Variants in EIPR1 observed in about 807,000 individuals in gnomAD.
EIPR1 encodes EARP complex and GARP complex interacting protein 1.
In EIPR1, 25 loss-of-function variants were observed where a neutral mutation model predicts 48.1. The ratio of observed to expected loss-of-function variants is 0.52; its 90% CI spans 0.38 to 0.73. The LOEUF is 0.73. EIPR1 is among the 30% of genes least tolerant of loss of function. The pLI, the probability that EIPR1 is intolerant of heterozygous loss-of-function variation, is 0.00. For missense variants in EIPR1, 415 were observed against 506.2 expected (o/e 0.82, Z 1.73); for synonymous variants, 204 against 201.9 (o/e 1.01, Z -0.09).
chr2:3,310,568 G>A (rs544129115), intron 3 of EIPR1, among the ~76,000 whole-genome samples: 14 of 147,976 alleles, frequency 9.5e-5, no homozygotes, highest in Admixed American at 2.7e-4. Flanking sequence ...CAGGAGAATG[G>A]CGTGAACCCG....
At chr2:3,325,645 T>G (rs1219297241) in intron 3 of EIPR1, among the ~76,000 whole-genome samples, 2 of 152,234 alleles carry the variant, frequency 1.3e-5, no homozygotes, top group African/African-American at 4.8e-5. Context: ...GACAGCATCC[T>G]TTACACACTG....
At chr2:3,253,580 G>C (rs1488537236) in intron 4 of EIPR1, among the ~76,000 whole-genome samples, 1 of 152,214 alleles carries the variant, frequency 6.6e-6, no homozygotes, top group African/African-American at 2.4e-5. Flanking sequence ...CTCCCGAGGA[G>C]TGGGTGAGGA....
At chr2:3,225,508 A>C (rs1666035656) in intron 4 of EIPR1, among the ~76,000 whole-genome samples, 1 of 152,164 alleles carries the variant, frequency 6.6e-6, no homozygotes, top group Non-Finnish European at 1.5e-5. Flanking sequence ...AGCTTCCCAA[A>C]GTGCTTGAAT....
chr2:3,260,318 C>T (rs1460957252), intron 3 of EIPR1, among the ~76,000 whole-genome samples: 1 of 151,996 alleles, frequency 6.6e-6, no homozygotes. Context: ...TGGTGAAACC[C>T]CGTCTCTACT....
At chr2:3,242,000 G>A (rs1338850813) in intron 4 of EIPR1, among the ~76,000 whole-genome samples, 2 of 152,152 alleles carry the variant, frequency 1.3e-5, no homozygotes, top group East Asian at 1.9e-4. Context: ...TACATTCGAT[G>A]GTGTGCAGAT....
chr2:3,227,725 AC>A (rs1334799193), intron 4 of EIPR1, among the ~76,000 whole-genome samples: 1 of 152,222 alleles, frequency 6.6e-6, no homozygotes, highest in Admixed American at 6.5e-5. Flanking sequence ...GGCCAGGCCT[AC>A]GGCCCCCCTG....
rs181453087 is a variant in EIPR1 at position 3,305,711 on chromosome 2, C to T, written c.259+32306G>A. Among the ~76,000 whole-genome samples, 597 of 152,312 alleles carry T rather than the reference C, an allele frequency of 3.9e-3. 5 individuals are homozygous for T. The highest frequency in any genetic ancestry group is 0.011 in the African/African-American group (452 of 41,546). On this transcript the variant is annotated intron_variant, in intron 3 of 8. Coordinates refer to ENST00000382125, the MANE Select transcript of EIPR1 (RefSeq NM_003310.5). ...CCTCCAGAAAGGCCCTCACCATTGA[C>T]GACACCGCCACAATCTCTCCCACAG...
rs147998782 is a variant in EIPR1, at chr2:3,277,813, G to A, written c.260-20358C>T. Among the ~76,000 whole-genome samples the A allele has an allele frequency of 2.8e-4, 43 of 152,312 alleles. No homozygotes were observed. In the East Asian group the frequency reaches 7.1e-3, roughly 25 times the overall value. ...GCGAACATTGCTGCCCCATCTGTGC[G>A]TCTCTCAGGCTGAGGTGAGCATGGA... On this transcript the variant is annotated intron_variant, in intron 3 of 8. Coordinates refer to ENST00000382125, the MANE Select transcript of EIPR1 (RefSeq NM_003310.5).
chr2:3,267,010 C>T lies in EIPR1; in HGVS notation c.260-9555G>A, dbSNP rs141548499. Among the ~76,000 whole-genome samples the T allele has an allele frequency of 6.4e-3, 975 of 152,298 alleles. 9 individuals are homozygous for T. Among genetic ancestry groups the T allele is most frequent in the Non-Finnish European group, 9.0e-3 (615 of 68,022 alleles). ...CGTGGCTATTTTATAGGAGAGCTGA[C>T]CATGGGGAGAGGGAACTACCCCCAC... On this transcript the variant is annotated intron_variant, in intron 3 of 8. Transcript: ENST00000382125.
intron 4 of EIPR1, among the ~76,000 whole-genome samples, chr2:3,250,049 G>C (rs1666956758): frequency 6.6e-6 from 1 of 152,208 alleles, no homozygotes. Flanking sequence ...GTAATGCTTA[G>C]GGGAAATGTG....
chr2:3,337,463 A>G (rs558795710), intron 3 of EIPR1, among the ~76,000 whole-genome samples: 7 of 152,220 alleles, frequency 4.6e-5, no homozygotes, highest in Non-Finnish European at 1.0e-4. Flanking sequence ...GTACTCATTG[A>G]CGATGACCAA....
intron 5 of EIPR1, among the ~76,000 whole-genome samples, chr2:3,206,416 A>G (rs1665237447): frequency 1.3e-5 from 2 of 152,188 alleles, no homozygotes; most frequent in African/African-American, 4.8e-5. Context: ...TGGGGAGACG[A>G]AGTCTGAGAT....
At chr2:3,341,498 G>T in intron 2 of EIPR1, among the ~76,000 whole-genome samples, 1 of 152,012 alleles carries the variant, frequency 6.6e-6, no homozygotes. Context: ...TGGGTACGTG[G>T]TCTATGCATG....
intron 1 of EIPR1, 120 bp from the exon 2 acceptor site, chr2:3,354,753 G>A (rs2103376098): frequency 9.1e-7 from 1 of 1,103,128 alleles, no homozygotes; most frequent in East Asian, 2.5e-5. Context: ...AATTAGTACA[G>A]AGTGTCTGGA....
rs757350743 is a variant in EIPR1 at position 3,214,210 on chromosome 2, A to G, written c.455T>C (p.Ile152Thr). 8 of 1,613,982 alleles carry G rather than the reference A, an allele frequency of 5.0e-6. No individual in the cohort carries two copies. The South Asian group carries it at 6.6e-5, about 13-fold the overall frequency. Reference sequence around the variant, plus strand: ...CAGGATATGGTTATCAGCCAAGGAAATGATTTTCTTCCCATCTCCCATTGG... The same window carrying G: ...CAGGATATGGTTATCAGCCAAGGAAGTGATTTTCTTCCCATCTCCCATTGG... ...WEPMGDGKKI[I>T]SLADNHILLW... is the part of the protein sequence containing the mutation. Residue 152 changes from isoleucine (I) to threonine (T), a missense_variant, in exon 5 of 9, where the codon ATT (isoleucine) becomes ACT (threonine). Transcript: ENST00000382125.
At position 3,369,599 on chromosome 2, in the gene EIPR1, G is replaced by T. The variant is rs182068070; in HGVS notation, c.42+8049C>A. Among the ~76,000 whole-genome samples the T allele has an allele frequency of 5.3e-5, 8 of 152,344 alleles. No homozygotes were observed. The East Asian group carries it at 1.5e-3, about 29-fold the overall frequency. On this transcript the variant is annotated intron_variant, in intron 1 of 8. Transcript: ENST00000382125. ...GGAGATTATATCCCACACCTGGCTCGGAGGGTCCTATGCCCACGGAGTCTC... is the reference window on the plus strand; with the variant it reads ...GGAGATTATATCCCACACCTGGCTCTGAGGGTCCTATGCCCACGGAGTCTC...
At chr2:3,278,915 A>G (rs531747073) in intron 3 of EIPR1, among the ~76,000 whole-genome samples, 3 of 152,304 alleles carry the variant, frequency 2.0e-5, no homozygotes, top group Admixed American at 6.5e-5. Flanking sequence ...AACAGAAGCA[A>G]TCTGGCAGAC....
chr2:3,339,142 A>T (rs1446675911), intron 2 of EIPR1, among the ~76,000 whole-genome samples: 1 of 152,236 alleles, frequency 6.6e-6, no homozygotes, highest in African/African-American at 2.4e-5. Context: ...TACACAAAAG[A>T]AACTGTACGA....
chr2:3,326,328 G>C (rs1669698170), intron 3 of EIPR1, among the ~76,000 whole-genome samples: 1 of 152,122 alleles, frequency 6.6e-6, no homozygotes, highest in Admixed American at 6.5e-5. Flanking sequence ...TCCGGGATTG[G>C]AGAGCCGGTA....
Sources: gnomAD v4.1 joint callset for allele counts (sites outside exome capture counted in the v4.1 genomes callset) on GRCh38, gnomAD v4.1.1 for gene constraint, MANE v1.5 for transcripts, NCBI Gene and HGNC (gene_info 2026-07-23, HGNC 2026-07-21) for gene names.